The following ZBTB47 variants were observed in gnomAD, a reference collection of about 807,000 sequenced individuals.
ZBTB47 encodes zinc finger and BTB domain-containing protein 47.
Under a neutral mutation model 56.6 loss-of-function variants are expected in ZBTB47, and 24 were observed. The ratio of observed to expected loss-of-function variants is 0.42; its 90% CI spans 0.31 to 0.60. The LOEUF (loss-of-function observed/expected upper bound fraction) is 0.60. ZBTB47 is among the 20% of genes least tolerant of loss of function. The pLI is 0.14. For synonymous variants in ZBTB47, 414 were observed against 418.9 expected, an observed-to-expected ratio of 0.99 and a Z score of 0.14; for missense variants, 829 against 1,032.6, an observed-to-expected ratio of 0.80 and a Z score of 2.70.
Position 42,664,614 on chromosome 3 carries a change from C to T in ZBTB47, c.*16C>T. 2.1e-6 allele frequency: 3 copies of T among 1,404,310 alleles called. No homozygotes were observed. The highest frequency in any genetic ancestry group is 1.6e-5 in the South Asian group (1 of 62,798). 87.0% of individuals were successfully genotyped at this position (1,404,310 alleles called of 1,614,324 possible). A position where few individuals can be genotyped will look rare whatever the true frequency, so the allele number is the denominator to read the frequency against. ...CAACAACTAGCTGCCGAGCTGCACC[C>T]GTGCACCCGCTGGGGCCTGGAGTCA... On this transcript the variant is annotated 3_prime_UTR_variant, in exon 6 of 6. Transcript: ENST00000232974.
chr3:42,666,355 T>C lies in ZBTB47; in HGVS notation c.*1757T>C, dbSNP rs949684038. Among the ~76,000 whole-genome samples the C allele has an allele frequency of 1.3e-5, 2 of 152,152 alleles. No individual in the cohort carries two copies. Among genetic ancestry groups the C allele is most frequent in the Non-Finnish European group, 2.9e-5 (2 of 68,030 alleles). On this transcript the variant is annotated 3_prime_UTR_variant, in exon 6 of 6. Coordinates refer to ENST00000232974, the MANE Select transcript of ZBTB47 (RefSeq NM_145166.4). ...GCCCCTCCCCGAGGAAGAAGGCTTC[T>C]GGTCAGGACCCCCACCCCAAGGCTG...
chr3:42,659,756 G>A lies in ZBTB47; in HGVS notation c.1401G>A (p.Gln467=). 1 of 1,613,898 alleles carries A rather than the reference G, an allele frequency of 6.2e-7. No homozygotes were observed. Among genetic ancestry groups the A allele is most frequent in the Non-Finnish European group, 8.5e-7 (1 of 1,179,860 alleles). Residue 467 remains glutamine (Q), a synonymous_variant, in exon 2 of 6, where the codon CAG becomes CAA. Coordinates refer to ENST00000232974, the MANE Select transcript of ZBTB47 (RefSeq NM_145166.4). ...ACAGCCGCATGCAGATCTGCGACCA[G>A]TGCGGCAAGCGCTTCCTGCTGGAGA... ...VTHSRMQICD[Q]CGKRFLLESE...
Position 42,658,515 on chromosome 3 carries a change from C to T in ZBTB47, c.160C>T (p.Arg54Cys), listed in dbSNP as rs745403225. ...CTTCACCCAGAACAAGCAGCTGCAG[C>T]GTGTGGAGCTGTCCCTGGAGGCACT... ...SLFTQNKQLQ[R>C]VELSLEALAP... The change falls in exon 2 of 6, where the codon CGT becomes TGT. Residue 54 changes from arginine (R) to cysteine (C), a missense_variant. Around this residue, in one of 6 missense-constraint regions of ZBTB47, gnomAD observed 120 missense variants for 200.2 expected, o/e 0.60. Transcript: ENST00000232974. 5 of 1,537,240 alleles carry T rather than the reference C, an allele frequency of 3.3e-6. No individual in the cohort carries two copies. The highest frequency in any genetic ancestry group is 2.4e-5 in the South Asian group (2 of 84,064).
chr3:42,657,692 T>C (rs1710654634), intron 1 of ZBTB47, among the ~76,000 whole-genome samples: 1 of 152,206 alleles, frequency 6.6e-6, no homozygotes, highest in Admixed American at 6.5e-5. Flanking sequence ...TTGGATTCTG[T>C]AGCCAGAGAC....
At position 42,667,377 on chromosome 3, in the gene ZBTB47, G is replaced by T. The variant is rs1014961387; in HGVS notation, c.*2779G>T. ...CTCAAGCCCTGTGGCCACAGTTCTG[G>T]GAGCCTTCAACCCTGGCTCATGCTG... On this transcript the variant is annotated 3_prime_UTR_variant, in exon 6 of 6. Coordinates refer to ENST00000232974, the MANE Select transcript of ZBTB47 (RefSeq NM_145166.4). Among the ~76,000 whole-genome samples, 1 of 152,200 alleles carries T rather than the reference G, an allele frequency of 6.6e-6. No individual in the cohort carries two copies. The highest frequency in any genetic ancestry group is 1.5e-5 in the Non-Finnish European group (1 of 68,036).
At position 42,659,158 on chromosome 3, in the gene ZBTB47, G is replaced by T. The variant is rs765523875; in HGVS notation, c.803G>T (p.Arg268Leu). 4.0e-6 allele frequency: 6 copies of T among 1,516,304 alleles called. No individual in the cohort carries two copies. The highest frequency in any genetic ancestry group is 3.4e-4 in the Middle Eastern group (2 of 5,828). The allele number at this position is 1,516,304 out of a possible 1,614,324, so 93.9% of individuals were successfully genotyped here. A position where few individuals can be genotyped will look rare whatever the true frequency, so the allele number is the denominator to read the frequency against. ...AGCCCAGCCACCGTGGTTCTGGGCCGGGAGGACGGGCTGCAGAGACACTCG... is the reference window on the plus strand; with the variant it reads ...AGCCCAGCCACCGTGGTTCTGGGCCTGGAGGACGGGCTGCAGAGACACTCG... ...GPSPATVVLG[R>L]EDGLQRHSDE... The change falls in exon 2 of 6, where the codon CGG becomes CTG. Residue 268 changes from arginine to leucine, a missense_variant. Physicochemically the swap from Arg to Leu is moderately radical, Grantham distance 102. Transcript: ENST00000232974.
At position 42,658,305 on chromosome 3, in the gene ZBTB47, G is replaced by T; in HGVS notation, c.-51G>T. ...GGTTGAGAAGACAACTGACTCCCCG[G>T]CGGCTGAGTTCTCGCTGGTGGAGGA... On this transcript the variant is annotated 5_prime_UTR_variant, in exon 2 of 6. Coordinates refer to ENST00000232974, the MANE Select transcript of ZBTB47 (RefSeq NM_145166.4). 1 of 1,487,242 alleles carries T rather than the reference G, an allele frequency of 6.7e-7. No individual in the cohort carries two copies. Among genetic ancestry groups the T allele is most frequent in the Non-Finnish European group, 8.9e-7 (1 of 1,121,462 alleles). The allele number at this position is 1,487,242 out of a possible 1,614,324, so 92.1% of individuals were successfully genotyped here.
intron 1 of ZBTB47, among the ~76,000 whole-genome samples, chr3:42,657,724 G>A (rs1377003914): frequency 3.3e-5 from 5 of 152,178 alleles, no homozygotes; most frequent in African/African-American, 1.2e-4. Flanking sequence ...CAGTGAGCCC[G>A]GCTTCTGTTC....
rs374607271 is a variant in ZBTB47 at position 42,663,115 on chromosome 3, G to A, written c.1725G>A (p.Pro575=). 8 of 1,613,180 alleles carry A rather than the reference G, an allele frequency of 5.0e-6. No homozygotes were observed. Among genetic ancestry groups the A allele is most frequent in the Non-Finnish European group, 6.8e-6 (8 of 1,179,166 alleles). The change falls in exon 4 of 6, where the codon CCG becomes CCA. Residue 575 remains proline, a synonymous_variant. Coordinates refer to ENST00000232974, the MANE Select transcript of ZBTB47 (RefSeq NM_145166.4). The surrounding 1 kb of genome is among the most constrained non-coding windows in gnomAD (Gnocchi z 5.1). Reference sequence around the variant, plus strand: ...CACTGCAGCACTCAGGGGAGAAGCCGTTCAGATGTGAGGTGAGCTTCCATC... The same window carrying A: ...CACTGCAGCACTCAGGGGAGAAGCCATTCAGATGTGAGGTGAGCTTCCATC... ...VHSLQHSGEK[P]FRCENCNERF... is the part of the protein sequence containing the mutation.
At chr3:42,658,144 G>C in intron 1 of ZBTB47, 131 bp from the exon 2 acceptor site, 9 of 1,014,762 alleles carry the variant, frequency 8.9e-6, no homozygotes, top group Non-Finnish European at 1.2e-5. Flanking sequence ...TTTCGGCTCT[G>C]TTGCTGTAAA....
At chr3:42,661,141 C>T (rs925089053) in intron 2 of ZBTB47, among the ~76,000 whole-genome samples, 1 of 152,144 alleles carries the variant, frequency 6.6e-6, no homozygotes, top group Non-Finnish European at 1.5e-5. Context: ...TACCAGAGGG[C>T]GCCCTTCAGC....
chr3:42,658,826 C>T lies in ZBTB47; in HGVS notation c.471C>T (p.Arg157=), dbSNP rs927193223. 3.3e-6 allele frequency: 5 copies of T among 1,533,798 alleles called. No individual in the cohort carries two copies. In the South Asian group the frequency reaches 3.6e-5, roughly 11 times the overall value. The change falls in exon 2 of 6, where the codon CGC becomes CGT. Residue 157 remains arginine (R), a synonymous_variant. Coordinates refer to ENST00000232974, the MANE Select transcript of ZBTB47 (RefSeq NM_145166.4). The part of the protein sequence containing the change: ...DTPGLPKIYA[R]EGPDPYSVRV... Reference sequence around the variant, plus strand: ...CAGGCCTGCCCAAGATCTATGCCCGCGAGGGCCCTGACCCTTACTCGGTGC... The same window carrying T: ...CAGGCCTGCCCAAGATCTATGCCCGTGAGGGCCCTGACCCTTACTCGGTGC...
chr3:42,659,860 G>C, intron 2 of ZBTB47, 32 bp downstream of exon 2: 1 of 1,564,216 alleles, frequency 6.4e-7, no homozygotes. Context: ...GCAGGGCAGA[G>C]GCTGTCCAGG....
Position 42,664,532 on chromosome 3 carries a change from GCC to G in ZBTB47, c.2179_2180del (p.Pro727AlafsTer100). ...PQTLPPPPHL[P>X]PPPPLFPTTA... is the part of the protein sequence containing the mutation. ...AGACCCTGCCGCCCCCGCCCCACCT[GCC>G]GCCCCCGCCTCCGCTCTTCCCCACC... On this transcript the variant is annotated frameshift_variant, in exon 6 of 6. Coordinates refer to ENST00000232974, the MANE Select transcript of ZBTB47 (RefSeq NM_145166.4). LOFTEE classifies it low-confidence loss of function (END_TRUNC). 1 of 1,087,576 alleles carries G rather than the reference GCC, an allele frequency of 9.2e-7. No individual in the cohort carries two copies. Among genetic ancestry groups the G allele is most frequent in the Non-Finnish European group, 1.1e-6 (1 of 882,642 alleles). The allele number at this position is 1,087,576 out of a possible 1,614,324, so 67.4% of individuals were successfully genotyped here. A position where few individuals can be genotyped will look rare whatever the true frequency, so the allele number is the denominator to read the frequency against.
At position 42,664,843 on chromosome 3, in the gene ZBTB47, CTTTTTT is replaced by C. The variant is rs11458566; in HGVS notation, c.*254_*259del. On this transcript the variant is annotated 3_prime_UTR_variant, in exon 6 of 6. Transcript: ENST00000232974. Reference sequence around the variant, plus strand: ...TTTCTGTGACTCCTTGAAGCCTTTACTTTTTTTTTTTTTTGGAAGTGAAGGAAAAAG... The same window carrying C: ...TTTCTGTGACTCCTTGAAGCCTTTACTTTTTTTTGGAAGTGAAGGAAAAAG... 1 of 289,398 alleles carries C rather than the reference CTTTTTT, an allele frequency of 3.5e-6. No individual in the cohort carries two copies. The highest frequency in any genetic ancestry group is 2.4e-5 in the African/African-American group (1 of 42,506). 17.9% of individuals were successfully genotyped at this position (289,398 alleles called of 1,614,324 possible).
rs1397400828 is a variant in ZBTB47, at chr3:42,654,455, A to G, written c.-82+572A>G. ...CGGCCCCAGCTGACGCGCGGGCTCC[A>G]ATCGGCGCCCCGCGCCCCCCGCCCG... is the stretch of plus-strand genomic sequence containing the variant. On this transcript the variant is annotated intron_variant, in intron 1 of 5. Coordinates refer to ENST00000232974, the MANE Select transcript of ZBTB47 (RefSeq NM_145166.4). The surrounding 1 kb of genome is among the most constrained non-coding windows in gnomAD (Gnocchi z 5.0). The G allele has an allele frequency of 6.6e-6, 1 of 150,412 alleles. No homozygotes were observed. The highest frequency in any genetic ancestry group is 2.4e-5 in the African/African-American group (1 of 41,172). 9.3% of individuals were successfully genotyped at this position (150,412 alleles called of 1,614,324 possible).
chr3:42,662,610 A>G (rs1710734170), intron 3 of ZBTB47, among the ~76,000 whole-genome samples: 1 of 152,178 alleles, frequency 6.6e-6, no homozygotes, highest in African/African-American at 2.4e-5. Context: ...CAGGACCACT[A>G]TGAGTCCCTT....
rs369632721 is a variant in ZBTB47 at position 42,666,463 on chromosome 3, T to TC, written c.*1872dup. ...TTGGGCTTCCGTGATGTCCTCAGGG[T>TC]CCCCCCCTCCCTGTTGCTATTTTTA... is the stretch of plus-strand genomic sequence containing the variant. On this transcript the variant is annotated 3_prime_UTR_variant, in exon 6 of 6. Transcript: ENST00000232974. Among the ~76,000 whole-genome samples the TC allele has an allele frequency of 4.6e-5, 7 of 151,988 alleles. No homozygotes were observed. Among genetic ancestry groups the TC allele is most frequent in the African/African-American group, 1.2e-4 (5 of 41,370 alleles).
chr3:42,663,705 C>T lies in ZBTB47; in HGVS notation c.1738-92C>T. 2 of 1,523,690 alleles carry T rather than the reference C, an allele frequency of 1.3e-6. No individual in the cohort carries two copies. The highest frequency in any genetic ancestry group is 1.8e-6 in the Non-Finnish European group (2 of 1,120,788). The allele number at this position is 1,523,690 out of a possible 1,614,324, so 94.4% of individuals were successfully genotyped here. A position where few individuals can be genotyped will look rare whatever the true frequency, so the allele number is the denominator to read the frequency against. On this transcript the variant is annotated intron_variant, in intron 4 of 5. Coordinates refer to ENST00000232974, the MANE Select transcript of ZBTB47 (RefSeq NM_145166.4). This position sits in a 1 kb window ranked among gnomAD's most constrained non-coding sequence, Gnocchi z 5.1. ...CCCAGGAGCCCCTGAGTGTGTCCCT[C>T]CTTGGCCCTGTGGCCACAGGGGAGC...
Sources: gnomAD v4.1 joint callset for allele counts (sites outside exome capture counted in the v4.1 genomes callset) on GRCh38, gnomAD v4.1.1 for gene constraint, gnomAD v4.1.1 regional missense constraint, Gnocchi (gnomAD v3.1) non-coding constraint, MANE v1.5 for transcripts, NCBI Gene and HGNC (gene_info 2026-07-23, HGNC 2026-07-21) for gene names.